RBFOX1: variants seen among roughly 807,000 people sequenced by gnomAD.
The protein encoded by RBFOX1 is RNA binding fox-1 homolog 1.
Under a neutral mutation model 57.7 loss-of-function variants are expected in RBFOX1, and 8 were observed. That is an observed-to-expected ratio of 0.14 (90% CI 0.08 to 0.25). The LOEUF is 0.25. RBFOX1 is among the 10% of genes least tolerant of loss of function. The pLI is 1.00. For missense variants in RBFOX1, 611 were observed against 548.5 expected (o/e 1.11, Z -1.14); for synonymous variants, 326 against 222.4 (o/e 1.47, Z -4.15).
At chr16:7,230,810 C>A (rs995378922) in intron 4 of RBFOX1, among the ~76,000 whole-genome samples, 1 of 152,108 alleles carries the variant, frequency 6.6e-6, no homozygotes, top group Non-Finnish European at 1.5e-5. Flanking sequence ...CTTTTTTGGT[C>A]AGTTTGTTTT....
At chr16:6,445,174 G>A (rs974971792) in intron 2 of RBFOX1, among the ~76,000 whole-genome samples, 1 of 152,144 alleles carries the variant, frequency 6.6e-6, no homozygotes, top group Admixed American at 6.6e-5. Context: ...GGGAACATGA[G>A]AATAAGAGAG....
chr16:7,599,252 G>A (rs370706579), intron 9 of RBFOX1, among the ~76,000 whole-genome samples: 2 of 152,254 alleles, frequency 1.3e-5, no homozygotes, highest in South Asian at 2.1e-4. Context: ...TCAACCTGAC[G>A]GTTGGGCATA....
chr16:7,677,579 A>G (rs2073718827), intron 14 of RBFOX1, among the ~76,000 whole-genome samples: 1 of 152,108 alleles, frequency 6.6e-6, no homozygotes, highest in East Asian at 1.9e-4. Flanking sequence ...GGTTCCTGAA[A>G]CAGCAAGCCG....
At chr16:7,419,602 A>G (rs148828643) in intron 4 of RBFOX1, among the ~76,000 whole-genome samples, 2 of 152,216 alleles carry the variant, frequency 1.3e-5, no homozygotes, top group African/African-American at 4.8e-5. Flanking sequence ...GCTGTTGATA[A>G]CAGGGCCCCC....
intron 2 of RBFOX1, among the ~76,000 whole-genome samples, chr16:6,473,249 G>A (rs992926731): frequency 2.0e-5 from 3 of 152,118 alleles, no homozygotes; most frequent in Non-Finnish European, 4.4e-5. Context: ...ATCACCCTCC[G>A]AGGCTTTTTG....
chr16:5,987,511 A>T (rs1445268300), intron 4 of RBFOX1, among the ~76,000 whole-genome samples: 1 of 152,046 alleles, frequency 6.6e-6, no homozygotes, highest in Admixed American at 6.6e-5. Flanking sequence ...TACATTTTAC[A>T]CTTAAGGTTG....
Position 6,450,794 on chromosome 16 carries a change from T to TAC in RBFOX1, c.-64+133738_-64+133739insCA, listed in dbSNP as rs1567303037. On this transcript the variant is annotated intron_variant, in intron 2 of 15. Coordinates refer to ENST00000550418, the MANE Select transcript of RBFOX1 (RefSeq NM_018723.4). ...ATATATATATATATATATATACATA[T>TAC]ATATATGTATATATATATATATACA... is the stretch of plus-strand genomic sequence containing the variant. Among the ~76,000 whole-genome samples, 118 of 16,602 alleles carry TAC rather than the reference T, an allele frequency of 7.1e-3. 10 individuals carry two copies. In the East Asian group the frequency reaches 0.12, roughly 16 times the overall value. The allele number at this position is 16,602 out of a possible 152,430, so 10.9% of individuals were successfully genotyped here.
At chr16:7,081,026 C>G (rs1466055293) in intron 4 of RBFOX1, among the ~76,000 whole-genome samples, 2 of 152,162 alleles carry the variant, frequency 1.3e-5, no homozygotes, top group Non-Finnish European at 2.9e-5. Context: ...CTGGCCGTAG[C>G]CACACTGGCT....
At chr16:6,983,514 A>T (rs1240724411) in intron 3 of RBFOX1, 3 of 152,002 alleles carry the variant, frequency 2.0e-5, no homozygotes, top group African/African-American at 7.2e-5. Flanking sequence ...TATAAGAGCA[A>T]TGTAAGCAAT....
chr16:7,149,920 C>T (rs760442146), intron 4 of RBFOX1, among the ~76,000 whole-genome samples: 9 of 152,148 alleles, frequency 5.9e-5, no homozygotes, highest in African/African-American at 1.4e-4. Context: ...AGCCACATCC[C>T]GTGGCTTGTT....
chr16:6,659,561 G>T (rs890534820), intron 3 of RBFOX1, among the ~76,000 whole-genome samples: 1 of 152,026 alleles, frequency 6.6e-6, no homozygotes, highest in Non-Finnish European at 1.5e-5. Flanking sequence ...GGAAGCTCAG[G>T]CACATTTAAG....
intron 5 of RBFOX1, among the ~76,000 whole-genome samples, chr16:7,518,705 T>C (rs1277384585): frequency 6.6e-6 from 1 of 152,012 alleles, no homozygotes; most frequent in East Asian, 1.9e-4. Flanking sequence ...AAAAAAAAAA[T>C]TTGATGTAAG....
intron 4 of RBFOX1, among the ~76,000 whole-genome samples, chr16:7,427,772 G>T (rs1598197082): frequency 6.6e-6 from 1 of 152,062 alleles, no homozygotes; most frequent in East Asian, 1.9e-4. Context: ...TTGTGCCTCA[G>T]CCTCCCGAGT....
chr16:6,925,179 A>G (rs9923214), intron 3 of RBFOX1, among the ~76,000 whole-genome samples: 96,001 of 126,750 alleles, frequency 0.76, 36,278 homozygotes, highest in African/African-American at 0.88. Context: ...TCTTGCCTAG[A>G]CTGGAGTGCA....
intron 1 of RBFOX1, among the ~76,000 whole-genome samples, chr16:5,368,137 T>C (rs1317956445): frequency 6.6e-6 from 1 of 152,226 alleles, no homozygotes; most frequent in Non-Finnish European, 1.5e-5. Context: ...TTCCCTGATG[T>C]CATATCCAAC....
intron 3 of RBFOX1, among the ~76,000 whole-genome samples, chr16:5,746,779 A>G (rs868557828): frequency 6.6e-6 from 1 of 152,226 alleles, no homozygotes; most frequent in East Asian, 1.9e-4. Flanking sequence ...TGATTTTTGC[A>G]CATTGATTTT....
At chr16:5,689,601 A>G (rs1363463318) in intron 3 of RBFOX1, among the ~76,000 whole-genome samples, 1 of 152,198 alleles carries the variant, frequency 6.6e-6, no homozygotes, top group Non-Finnish European at 1.5e-5. Flanking sequence ...TGTCCTCTGC[A>G]GAGACTGGAG....
intron 1 of RBFOX1, among the ~76,000 whole-genome samples, chr16:5,288,413 A>T (rs1399310736): frequency 6.6e-6 from 1 of 152,204 alleles, no homozygotes; most frequent in Non-Finnish European, 1.5e-5. Context: ...CATTCTAAAT[A>T]AATGCAGGAA....
chr16:6,481,861 G>T (rs150399773), intron 2 of RBFOX1, among the ~76,000 whole-genome samples: 4 of 152,136 alleles, frequency 2.6e-5, no homozygotes, highest in African/African-American at 9.7e-5. Flanking sequence ...TGTTAACTCT[G>T]CAAGGAGAAA....
Sources: gnomAD v4.1 joint callset for allele counts (sites outside exome capture counted in the v4.1 genomes callset) on GRCh38, gnomAD v4.1.1 for gene constraint, MANE v1.5 for transcripts, NCBI Gene and HGNC (gene_info 2026-07-23, HGNC 2026-07-21) for gene names.